TDRD7: variants seen among roughly 807,000 people sequenced by gnomAD.
TDRD7 encodes the protein tudor domain containing 7, also known as tudor domain-containing protein 7.
In TDRD7, 47 loss-of-function variants were observed where a neutral mutation model predicts 109.8. The observed-to-expected ratio is 0.43, with a 90% CI of 0.34 to 0.55. TDRD7 has a LOEUF of 0.55. TDRD7 is among the 20% of genes least tolerant of loss of function. TDRD7 has a pLI of 0.03. For synonymous variants in TDRD7, 424 were observed against 457.3 expected, an observed-to-expected ratio of 0.93 and a Z score of 0.93; for missense variants, 1,164 against 1,319.2, an observed-to-expected ratio of 0.88 and a Z score of 1.82.
chr9:97,494,072 TTAAAG>T lies in TDRD7; in HGVS notation c.3077-1585_3077-1581del, dbSNP rs1425213204. 7.9e-5 allele frequency among the ~76,000 whole-genome samples: 12 copies of T among 152,286 alleles called. No individual in the cohort carries two copies. The Middle Eastern group carries it at 0.014, about 173-fold the overall frequency. ...TTACAAAGATGATGGGATTAAGAGATTAAAGTAAAGACAGGCATAGGAAATCACAA... is the reference window on the plus strand; with the variant it reads ...TTACAAAGATGATGGGATTAAGAGATTAAAGACAGGCATAGGAAATCACAA... On this transcript the variant is annotated intron_variant, in intron 16 of 16. Transcript: ENST00000355295.
rs1272945611 is a variant in TDRD7 at position 97,493,182 on chromosome 9, C to T, written c.3077-2481C>T. On this transcript the variant is annotated intron_variant, in intron 16 of 16. Transcript: ENST00000355295. Reference sequence around the variant, plus strand: ...ACTGGATGCCCACCCTTTCAAGGTTCCCAGTGTATTGGGGGAAATTTCAGC... The same window carrying T: ...ACTGGATGCCCACCCTTTCAAGGTTTCCAGTGTATTGGGGGAAATTTCAGC... Among the ~76,000 whole-genome samples the T allele has an allele frequency of 3.3e-5, 5 of 152,200 alleles. No individual in the cohort carries two copies. The East Asian group carries it at 7.7e-4, about 23-fold the overall frequency.
intron 1 of TDRD7, among the ~76,000 whole-genome samples, chr9:97,420,765 T>C (rs931398715): frequency 6.6e-6 from 1 of 152,236 alleles, no homozygotes; most frequent in African/African-American, 2.4e-5. Flanking sequence ...TGTGGACATA[T>C]GTCATCATTT....
chr9:97,444,473 T>C (rs148353612), intron 6 of TDRD7, among the ~76,000 whole-genome samples: 29 of 152,376 alleles, frequency 1.9e-4, no homozygotes, highest in African/African-American at 6.7e-4. Flanking sequence ...ACTTACACAA[T>C]GGTTATTTTC....
chr9:97,495,932 C>G lies in TDRD7; in HGVS notation c.*49C>G. 1 of 1,497,246 alleles carries G rather than the reference C, an allele frequency of 6.7e-7. No homozygotes were observed. The highest frequency in any genetic ancestry group is 9.3e-7 in the Non-Finnish European group (1 of 1,075,228). 92.7% of individuals were successfully genotyped at this position (1,497,246 alleles called of 1,614,324 possible). A position where few individuals can be genotyped will look rare whatever the true frequency, so the allele number is the denominator to read the frequency against. ...ACTAATTCAGATTTTTTAGCAATAA[C>G]AAAATGTAGTAGGCTTAAAAAAAAT... On this transcript the variant is annotated 3_prime_UTR_variant, in exon 17 of 17. Coordinates refer to ENST00000355295, the MANE Select transcript of TDRD7 (RefSeq NM_014290.3).
Position 97,441,715 on chromosome 9 carries a change from A to G in TDRD7, c.695A>G (p.Tyr232Cys), listed in dbSNP as rs777624114. 1 of 1,613,616 alleles carries G rather than the reference A, an allele frequency of 6.2e-7. No individual in the cohort carries two copies. The highest frequency in any genetic ancestry group is 1.1e-5 in the South Asian group (1 of 91,060). ...PNVKPPASYT[Y>C]KMDEVQNRIK... ...GTCAAGCCTCCTGCCTCTTACACTT[A>G]TAAAATGGATGAGGTTCAAAATCGC... Residue 232 changes from tyrosine (Y) to cysteine (C), a missense_variant, in exon 6 of 17, where the codon TAT becomes TGT. Transcript: ENST00000355295.
chr9:97,460,278 C>T lies in TDRD7; in HGVS notation c.956C>T (p.Ser319Phe), dbSNP rs191384426. ...SELDTEKVPL[S>F]PLPGPKQTPP... The stretch of plus-strand genomic sequence containing the variant: ...CTGGATACTGAGAAAGTACCTCTAT[C>T]CCCACTACCTGGTCCCAAACAAACA... The change falls in exon 7 of 17, where the codon TCC becomes TTC. Residue 319 changes from serine to phenylalanine, a missense_variant. By Grantham distance (155) the Ser-to-Phe change is radical (BLOSUM62 -2). This residue lies in a region of TDRD7 where 407 missense variants were observed against 394.0 expected (regional missense o/e 1.03). Coordinates refer to ENST00000355295, the MANE Select transcript of TDRD7 (RefSeq NM_014290.3). 55 of 1,614,224 alleles carry T rather than the reference C, an allele frequency of 3.4e-5. No homozygotes were observed. The Admixed American group carries it at 5.2e-4, about 15-fold the overall frequency.
chr9:97,484,459 A>C (rs1829176198), intron 15 of TDRD7, among the ~76,000 whole-genome samples: 2 of 148,434 alleles, frequency 1.3e-5, no homozygotes, highest in African/African-American at 5.0e-5. Context: ...AAGAACAGTC[A>C]CCCCTCCCCA....
chr9:97,493,418 GGA>G (rs1166240841), intron 16 of TDRD7, among the ~76,000 whole-genome samples: 1 of 152,064 alleles, frequency 6.6e-6, no homozygotes, highest in African/African-American at 2.4e-5. Flanking sequence ...TTTCAAAAGG[GGA>G]GAGAGTGTAC....
intron 6 of TDRD7, among the ~76,000 whole-genome samples, chr9:97,455,385 C>A (rs1166662635): frequency 1.3e-5 from 2 of 151,948 alleles, no homozygotes; most frequent in African/African-American, 4.8e-5. Flanking sequence ...AAAAAAACTT[C>A]AGCCAATATC....
intron 5 of TDRD7, 149 bp from the exon 6 acceptor site, chr9:97,441,508 TG>T (rs1828304384): frequency 1.5e-6 from 1 of 665,800 alleles, no homozygotes; most frequent in Admixed American, 2.6e-5. Context: ...GTTGTCACGG[TG>T]CTGCTCTGCC....
At chr9:97,462,238 A>G (rs548867649) in intron 7 of TDRD7, among the ~76,000 whole-genome samples, 160 of 152,340 alleles carry the variant, frequency 1.1e-3, no homozygotes, top group African/African-American at 3.6e-3. Context: ...TCAGAGACCA[A>G]GCACCGGGCC....
intron 9 of TDRD7, among the ~76,000 whole-genome samples, 163 bp from the exon 10 acceptor site, chr9:97,472,130 A>G (rs1489339536): frequency 6.6e-6 from 1 of 152,158 alleles, no homozygotes; most frequent in East Asian, 1.9e-4. Context: ...TTTAAAACCT[A>G]AGAGGTAAGA....
chr9:97,424,439 C>T (rs776397990), intron 1 of TDRD7, among the ~76,000 whole-genome samples: 5 of 152,092 alleles, frequency 3.3e-5, no homozygotes, highest in Admixed American at 1.3e-4. Context: ...AAGTGTCCAA[C>T]GATAATTGTG....
intron 2 of TDRD7, 97 bp from the exon 3 acceptor site, chr9:97,430,836 A>T: frequency 7.0e-7 from 1 of 1,437,936 alleles, no homozygotes; most frequent in Non-Finnish European, 9.8e-7. Flanking sequence ...TTGACTTGGG[A>T]TATGTAGGCT....
intron 10 of TDRD7, among the ~76,000 whole-genome samples, chr9:97,473,278 A>G (rs1244211136): frequency 3.3e-5 from 5 of 152,254 alleles, no homozygotes; most frequent in Non-Finnish European, 7.3e-5. Flanking sequence ...TGTGCTTGGC[A>G]TAAATGATAT....
rs764582156 is a variant in TDRD7, at chr9:97,470,560, A to G, written c.1632A>G (p.Val544=). ...CATTCTGTGTTTTTAATCATTAGGT[A>G]TGCTATGTTGACTATGGTTTTAGTG... The part of the protein sequence containing the change: ...VISTEENKIK[V]CYVDYGFSEN... Residue 544 remains valine, a splice_region_variant and synonymous_variant, in exon 9 of 17, where the codon GTA becomes GTG. Transcript: ENST00000355295. 1.2e-5 allele frequency: 20 copies of G among 1,611,640 alleles called. No homozygotes were observed. The highest frequency in any genetic ancestry group is 6.6e-5 in the South Asian group (6 of 91,018).
chr9:97,457,909 A>C (rs1047010868), intron 6 of TDRD7, among the ~76,000 whole-genome samples: 2 of 152,032 alleles, frequency 1.3e-5, no homozygotes, highest in African/African-American at 4.8e-5. Flanking sequence ...ACATGTTCTC[A>C]CTCCTAAGTG....
intron 12 of TDRD7, among the ~76,000 whole-genome samples, chr9:97,478,014 T>G (rs1480827574): frequency 6.6e-6 from 1 of 152,124 alleles, no homozygotes; most frequent in African/African-American, 2.4e-5. Flanking sequence ...ATCGTAGCAC[T>G]TGGGAGGCCA....
At chr9:97,465,090 T>C in intron 8 of TDRD7, 62 bp downstream of exon 8, 1 of 1,537,104 alleles carries the variant, frequency 6.5e-7, no homozygotes, top group South Asian at 1.2e-5. Context: ...TTTCCAAATG[T>C]AAATATTTTT....
Sources: gnomAD v4.1 joint callset for allele counts (sites outside exome capture counted in the v4.1 genomes callset) on GRCh38, gnomAD v4.1.1 for gene constraint, gnomAD v4.1.1 regional missense constraint, MANE v1.5 for transcripts, NCBI Gene and HGNC (gene_info 2026-07-23, HGNC 2026-07-21) for gene names.